CACNA1D: variants seen among roughly 807,000 people sequenced by gnomAD.
The protein encoded by CACNA1D is calcium voltage-gated channel subunit alpha1 D.
In CACNA1D, 55 loss-of-function variants were observed where a neutral mutation model predicts 257.1. That is an observed-to-expected ratio of 0.21 (90% CI 0.17 to 0.27). The LOEUF is 0.27. Ranked by LOEUF, CACNA1D falls within the 10% of genes least tolerant of loss-of-function variation. The pLI is 1.00. For missense variants in CACNA1D, 1,876 were observed against 2,784.0 expected (o/e 0.67, Z 7.34); for synonymous variants, 980 against 1,014.9 (o/e 0.97, Z 0.65).
intron 3 of CACNA1D, among the ~76,000 whole-genome samples, chr3:53,553,422 A>C (rs1473400847): frequency 6.6e-6 from 1 of 152,194 alleles, no homozygotes; most frequent in Non-Finnish European, 1.5e-5. Flanking sequence ...CATTTCAAGC[A>C]CAAATCCCTA....
At chr3:53,520,899 CTTTTCTTTTCTTTTCTT>C (rs1559785223) in intron 3 of CACNA1D, among the ~76,000 whole-genome samples, 4 of 98,108 alleles carry the variant, frequency 4.1e-5, no homozygotes, top group Non-Finnish European at 4.3e-5. Context: ...TCTTTCTTTT[CTTTTCTTTTCTTTTCTT>C]TTTCTTTCTT....
rs552530898 is a variant in CACNA1D, at chr3:53,773,391, A to C, written c.4110+493A>C. On this transcript the variant is annotated intron_variant, in intron 33 of 47. Coordinates refer to ENST00000350061, the MANE Select transcript of CACNA1D (RefSeq NM_001128840.3). Reference sequence around the variant, plus strand: ...GCAGAGGGGCTGCACCCTGTTTCCCAGTTCCTCCTGGGCATGGGAAAGGGA... The same window carrying C: ...GCAGAGGGGCTGCACCCTGTTTCCCCGTTCCTCCTGGGCATGGGAAAGGGA... 146 of 188,978 alleles carry C rather than the reference A, an allele frequency of 7.7e-4. 6 individuals carry two copies. In the South Asian group the frequency reaches 0.016, roughly 21 times the overall value. The allele number at this position is 188,978 out of a possible 1,614,324, so 11.7% of individuals were successfully genotyped here. A position where few individuals can be genotyped will look rare whatever the true frequency, so the allele number is the denominator to read the frequency against.
chr3:53,626,413 A>T (rs1304151090), intron 3 of CACNA1D, among the ~76,000 whole-genome samples: 1 of 152,164 alleles, frequency 6.6e-6, no homozygotes, highest in Non-Finnish European at 1.5e-5. Context: ...TGGGATAGGG[A>T]TAACAGGTGC....
At chr3:53,705,675 T>A (rs1400599809) in intron 9 of CACNA1D, among the ~76,000 whole-genome samples, 2 of 152,178 alleles carry the variant, frequency 1.3e-5, no homozygotes, top group Non-Finnish European at 2.9e-5. Flanking sequence ...ATGAGGGTTT[T>A]AAATAAAGAC....
chr3:53,674,180 C>A, intron 8 of CACNA1D: 1 of 376,474 alleles, frequency 2.7e-6, no homozygotes, highest in Non-Finnish European at 5.0e-6. Context: ...AACTCCTTGT[C>A]GTTTTGTGTC....
chr3:53,503,777 G>GT (rs2090703844), intron 3 of CACNA1D, among the ~76,000 whole-genome samples: 2 of 136,218 alleles, frequency 1.5e-5, no homozygotes. Flanking sequence ...TTTTTTTTTT[G>GT]TGGGGGGGGA....
At chr3:53,565,214 T>C (rs993547846) in intron 3 of CACNA1D, among the ~76,000 whole-genome samples, 13 of 152,212 alleles carry the variant, frequency 8.5e-5, no homozygotes, top group African/African-American at 3.1e-4. Context: ...TATGCCTTTA[T>C]AATAATTCTT....
At chr3:53,758,502 C>T (rs1317854935) in intron 29 of CACNA1D, among the ~76,000 whole-genome samples, 1 of 152,110 alleles carries the variant, frequency 6.6e-6, no homozygotes, top group African/African-American at 2.4e-5. Flanking sequence ...GCAAGAGGGC[C>T]AGGAATAAGA....
At chr3:53,699,508 G>A (rs2094601076) in intron 8 of CACNA1D, among the ~76,000 whole-genome samples, 1 of 152,192 alleles carries the variant, frequency 6.6e-6, no homozygotes, top group Admixed American at 6.5e-5. Context: ...GAACACAGCA[G>A]TGACAGAGCT....
At chr3:53,608,489 A>G (rs575141013) in intron 3 of CACNA1D, among the ~76,000 whole-genome samples, 10 of 152,280 alleles carry the variant, frequency 6.6e-5, no homozygotes, top group Non-Finnish European at 1.0e-4. Flanking sequence ...CTGCCTTATT[A>G]CATTATTTGA....
At chr3:53,730,757 G>A (rs995318743) in intron 16 of CACNA1D, among the ~76,000 whole-genome samples, 7 of 152,266 alleles carry the variant, frequency 4.6e-5, no homozygotes, top group South Asian at 2.1e-4. Context: ...GTCATCCCTC[G>A]GGGCTGAGAG....
In CACNA1D at chr3:53,810,243, G is replaced by C. The variant is rs1443358801; in HGVS notation, c.6137G>C (p.Ser2046Thr). ...CCAGCCAGCCTGACTGTCCCCAGCA[G>C]CTTCCGGAACAAAAACAGCGACAAG... ...FTPASLTVPS[S>T]FRNKNSDKQR... The change falls in exon 47 of 48, where the codon AGC (serine) becomes ACC (threonine). Residue 2046 changes from serine to threonine, a missense_variant. Coordinates refer to ENST00000350061, the MANE Select transcript of CACNA1D (RefSeq NM_001128840.3). 3.1e-6 allele frequency: 5 copies of C among 1,613,830 alleles called. No homozygotes were observed. Among genetic ancestry groups the C allele is most frequent in the Non-Finnish European group, 4.2e-6 (5 of 1,180,050 alleles).
intron 20 of CACNA1D, among the ~76,000 whole-genome samples, chr3:53,737,673 A>G (rs1447834712): frequency 6.6e-6 from 1 of 152,200 alleles, no homozygotes; most frequent in African/African-American, 2.4e-5. Flanking sequence ...AAATACAAAA[A>G]TTAGCTGGGT....
At chr3:53,536,068 T>C (rs1370265554) in intron 3 of CACNA1D, among the ~76,000 whole-genome samples, 6 of 152,202 alleles carry the variant, frequency 3.9e-5, no homozygotes. Flanking sequence ...TTATAATGTA[T>C]ATGGTTGGAC....
chr3:53,556,328 T>G (rs1229984146), intron 3 of CACNA1D, among the ~76,000 whole-genome samples: 1 of 152,232 alleles, frequency 6.6e-6, no homozygotes, highest in Non-Finnish European at 1.5e-5. Context: ...AGCTAACTGC[T>G]TTCTAAAATG....
chr3:53,710,326 G>T, intron 9 of CACNA1D: 1 of 442,332 alleles, frequency 2.3e-6, no homozygotes. Flanking sequence ...GGCCGCGTGG[G>T]GCCCTGGTTT....
intron 3 of CACNA1D, among the ~76,000 whole-genome samples, chr3:53,540,591 A>G (rs2092271569): frequency 6.6e-6 from 1 of 152,072 alleles, no homozygotes; most frequent in South Asian, 2.1e-4. Flanking sequence ...TTGCCTTTCT[A>G]TTTAAATTTC....
chr3:53,749,937 C>T (rs563726075), intron 27 of CACNA1D, among the ~76,000 whole-genome samples: 5 of 152,320 alleles, frequency 3.3e-5, no homozygotes, highest in Admixed American at 3.3e-4. Context: ...GCATCCGTGG[C>T]TTCCAGCTGT....
intron 3 of CACNA1D, among the ~76,000 whole-genome samples, chr3:53,607,866 T>G (rs1329251630): frequency 2.6e-5 from 4 of 152,228 alleles, no homozygotes; most frequent in African/African-American, 9.6e-5. Context: ...GAACTTTCTA[T>G]TCTTTCCTAT....
Sources: allele counts gnomAD v4.1 joint callset (sites outside exome capture counted in the v4.1 genomes callset), GRCh38; gene constraint gnomAD v4.1.1; transcripts MANE v1.5; gene names NCBI Gene and HGNC (gene_info 2026-07-23, HGNC 2026-07-21).